The following CDH12 variants were observed in gnomAD, a reference collection of about 807,000 sequenced individuals.
The protein encoded by CDH12 is cadherin 12, also known as cadherin-12.
CDH12 carries 41 observed loss-of-function variants against 74.1 expected under a neutral mutation model. That is an observed-to-expected ratio of 0.55 (90% CI 0.43 to 0.72). CDH12 has a LOEUF of 0.72. Ranked by LOEUF, CDH12 falls within the 30% of genes least tolerant of loss-of-function variation. The pLI is 0.00. For synonymous variants in CDH12, 399 were observed against 355.0 expected (o/e 1.12, Z -1.39); for missense variants, 945 against 977.2 (o/e 0.97, Z 0.44).
intron 2 of CDH12, among the ~76,000 whole-genome samples, chr5:22,406,497 T>C (rs1406632529): frequency 6.6e-6 from 1 of 152,184 alleles, no homozygotes; most frequent in Non-Finnish European, 1.5e-5. Flanking sequence ...TCTGGAAATT[T>C]GTTTTAAGCT....
intron 3 of CDH12, among the ~76,000 whole-genome samples, chr5:22,233,347 T>C (rs188871298): frequency 7.2e-4 from 109 of 152,082 alleles, no homozygotes; most frequent in African/African-American, 2.6e-3. Flanking sequence ...GTAGTATCCG[T>C]ATAATTCTGT....
At chr5:22,326,660 G>T (rs1375961763) in intron 3 of CDH12, among the ~76,000 whole-genome samples, 3 of 152,158 alleles carry the variant, frequency 2.0e-5, no homozygotes, top group Non-Finnish European at 2.9e-5. Context: ...TGTAGAACAA[G>T]AAATAGACAT....
In CDH12 at chr5:22,755,034, T is replaced by C. The variant is rs147158386; in HGVS notation, c.-523+98024A>G. Among the ~76,000 whole-genome samples, 64 of 152,324 alleles carry C rather than the reference T, an allele frequency of 4.2e-4. No individual in the cohort carries two copies. The East Asian group carries it at 6.0e-3, about 14-fold the overall frequency. ...CAAACAGTAATTGATGCCTTTGTTT[T>C]CAAATGAGATATTTCTGGAGTGATA... On this transcript the variant is annotated intron_variant, in intron 1 of 14. Coordinates refer to ENST00000382254, the MANE Select transcript of CDH12 (RefSeq NM_004061.5).
In CDH12 at chr5:21,880,616, CTTCTTTCTTTCTTTCTTTCT is replaced by C. The variant is rs201513323; in HGVS notation, c.527-25846_527-25827del. ...CCTTCCTTCCTTCCTTCCTTCCTTC[CTTCTTTCTTTCTTTCTTTCT>C]TTCTTTCTTTCTTTCTTTCTTTCTT... On this transcript the variant is annotated intron_variant, in intron 6 of 14. Transcript: ENST00000382254. Among the ~76,000 whole-genome samples the C allele has an allele frequency of 5.2e-3, 266 of 50,826 alleles. 5 individuals are homozygous for C. Among genetic ancestry groups the C allele is most frequent in the Middle Eastern group, 0.025 (2 of 80 alleles). The allele number at this position is 50,826 out of a possible 152,430, so 33.3% of individuals were successfully genotyped here. A position where few individuals can be genotyped will look rare whatever the true frequency, so the allele number is the denominator to read the frequency against.
intron 4 of CDH12, chr5:22,172,395 GAC>G (rs1380494182): frequency 6.6e-6 from 1 of 151,670 alleles, no homozygotes; most frequent in African/African-American, 2.4e-5. Context: ...TCTACCAATT[GAC>G]ACACATCAGG....
intron 1 of CDH12, among the ~76,000 whole-genome samples, chr5:22,561,479 G>A (rs1739041184): frequency 6.6e-6 from 1 of 151,998 alleles, no homozygotes; most frequent in Admixed American, 6.6e-5. Flanking sequence ...GGCAGAATTA[G>A]ATCTCAAAAA....
chr5:22,764,573 C>T (rs1011358759), intron 1 of CDH12, among the ~76,000 whole-genome samples: 1 of 152,042 alleles, frequency 6.6e-6, no homozygotes, highest in East Asian at 1.9e-4. Flanking sequence ...ACAATTTCCA[C>T]GTAGATTGCT....
intron 3 of CDH12, among the ~76,000 whole-genome samples, chr5:22,216,212 T>C (rs1751798092): frequency 6.6e-6 from 1 of 152,068 alleles, no homozygotes; most frequent in Admixed American, 6.6e-5. Flanking sequence ...CTTAGGTTTG[T>C]TCCAAACAGT....
intron 3 of CDH12, among the ~76,000 whole-genome samples, chr5:22,263,060 T>C (rs1753581262): frequency 6.6e-6 from 1 of 151,924 alleles, no homozygotes; most frequent in Non-Finnish European, 1.5e-5. Context: ...AAGAAGACAT[T>C]TATGCAGCCA....
At chr5:22,157,506 G>C (rs533051578) in intron 4 of CDH12, among the ~76,000 whole-genome samples, 1 of 151,818 alleles carries the variant, frequency 6.6e-6, no homozygotes. Context: ...TTGCAAATAT[G>C]ATCTCAAGAT....
rs1486605171 is a variant in CDH12, at chr5:22,534,902, ATAT to A, written c.-522-29541_-522-29539del. Among the ~76,000 whole-genome samples, 7 of 149,380 alleles carry A rather than the reference ATAT, an allele frequency of 4.7e-5. No individual in the cohort carries two copies. In the South Asian group the frequency reaches 1.3e-3, roughly 27 times the overall value. On this transcript the variant is annotated intron_variant, in intron 1 of 14. Coordinates refer to ENST00000382254, the MANE Select transcript of CDH12 (RefSeq NM_004061.5). ...TTTGTTAAAAATTTACTGTTATATAATATTATTATATTTAATATATTTTATAAA... is the reference window on the plus strand; with the variant it reads ...TTTGTTAAAAATTTACTGTTATATAATATTATATTTAATATATTTTATAAA...
intron 3 of CDH12, among the ~76,000 whole-genome samples, chr5:22,236,287 T>G (rs59811778): frequency 0.029 from 4,389 of 152,216 alleles, 97 homozygotes; most frequent in South Asian, 0.095. Context: ...CTTTTTCATT[T>G]TTTGAACTGT....
chr5:22,362,787 T>C (rs1336027608), intron 3 of CDH12, among the ~76,000 whole-genome samples: 1 of 151,676 alleles, frequency 6.6e-6, no homozygotes, highest in Non-Finnish European at 1.5e-5. Flanking sequence ...TGTAGGAACA[T>C]GGATGAAACT....
chr5:22,043,720 T>C (rs76373630), intron 5 of CDH12, among the ~76,000 whole-genome samples: 1 of 148,194 alleles, frequency 6.7e-6, no homozygotes, highest in South Asian at 2.1e-4. Context: ...AAAAAAAAAC[T>C]GTTAGAACTG....
chr5:22,703,617 T>G (rs537788507), intron 1 of CDH12, among the ~76,000 whole-genome samples: 8 of 152,108 alleles, frequency 5.3e-5, no homozygotes, highest in Non-Finnish European at 1.2e-4. Context: ...TTAAGAAAAA[T>G]GTGGCAAAAA....
intron 3 of CDH12, among the ~76,000 whole-genome samples, chr5:22,301,060 T>C (rs1159404284): frequency 1.1e-3 from 2 of 1,890 alleles, no homozygotes; most frequent in East Asian, 0.25. Flanking sequence ...GCAGTGAAGG[T>C]ATTAAAAATT....
At chr5:22,030,574 G>A (rs1049787864) in intron 5 of CDH12, among the ~76,000 whole-genome samples, 14 of 152,138 alleles carry the variant, frequency 9.2e-5, no homozygotes, top group African/African-American at 3.4e-4. Context: ...TATAGCACAG[G>A]CAAATTAGAT....
intron 11 of CDH12, among the ~76,000 whole-genome samples, chr5:21,772,041 C>A (rs1206685878): frequency 1.3e-5 from 2 of 152,154 alleles, no homozygotes; most frequent in Non-Finnish European, 2.9e-5. Flanking sequence ...ACTCCCCTTC[C>A]CATCATCATA....
chr5:22,813,742 A>G (rs2126455590), intron 1 of CDH12, among the ~76,000 whole-genome samples: 1 of 152,260 alleles, frequency 6.6e-6, no homozygotes, highest in African/African-American at 2.4e-5. Context: ...CAAAAAAACT[A>G]AGGCCCTAAA....
Sources: allele counts gnomAD v4.1 joint callset (sites outside exome capture counted in the v4.1 genomes callset), GRCh38; gene constraint gnomAD v4.1.1; transcripts MANE v1.5; gene names NCBI Gene and HGNC (gene_info 2026-07-23, HGNC 2026-07-21).